The following PLBD1 variants were observed in gnomAD, a reference collection of about 807,000 sequenced individuals.
PLBD1 encodes the protein phospholipase B domain containing 1, also known as lysosomal leucine aminopeptidase.
A neutral mutation model predicts 63.0 loss-of-function variants in PLBD1; 60 were observed. The observed-to-expected ratio is 0.95, with a 90% CI of 0.77 to 1.18. The LOEUF is 1.18. PLBD1 is among the 50% of genes most tolerant of loss of function. PLBD1 has a pLI of 0.00. For synonymous variants in PLBD1, 262 were observed against 248.0 expected, an observed-to-expected ratio of 1.06 and a Z score of -0.53; for missense variants, 598 against 677.9, an observed-to-expected ratio of 0.88 and a Z score of 1.31.
chr12:14,521,278 T>C (rs1945373859), intron 6 of PLBD1, among the ~76,000 whole-genome samples: 1 of 152,102 alleles, frequency 6.6e-6, no homozygotes, highest in Non-Finnish European at 1.5e-5. Context: ...AAGGAACAGA[T>C]GATCCTACCC....
rs759707275 is a variant in PLBD1, at chr12:14,553,261, G to C, written c.267C>G (p.Gly89=). 3 of 1,614,004 alleles carry C rather than the reference G, an allele frequency of 1.9e-6. No homozygotes were observed. Among genetic ancestry groups the C allele is most frequent in the African/African-American group, 1.3e-5 (1 of 74,926 alleles). ...TGATCTCATTGCTCAGGGTTTGAGAGCCATAGCCAGCTCTGATCTCCAGGA... is the reference window on the plus strand; with the variant it reads ...TGATCTCATTGCTCAGGGTTTGAGACCCATAGCCAGCTCTGATCTCCAGGA... ...WGILEIRAGY[G]SQTLSNEIIM... The change falls in exon 2 of 11, where the codon GGC becomes GGG. Residue 89 remains glycine (G), a synonymous_variant. Transcript: ENST00000240617.
intron 1 of PLBD1, among the ~76,000 whole-genome samples, chr12:14,563,236 G>C (rs1181738269): frequency 1.3e-5 from 2 of 152,082 alleles, no homozygotes; most frequent in Non-Finnish European, 2.9e-5. Context: ...TGTTCAAGTT[G>C]GGACTGGGCA....
chr12:14,509,053 A>C (rs117688820), intron 8 of PLBD1, among the ~76,000 whole-genome samples: 1 of 150,740 alleles, frequency 6.6e-6, no homozygotes, highest in East Asian at 2.0e-4. Flanking sequence ...TGTTTGGGCA[A>C]AACATGTTTC....
chr12:14,503,785 A>C lies in PLBD1; in HGVS notation c.1649T>G (p.Leu550Arg), dbSNP rs1411290475. 6.2e-7 allele frequency: 1 copy of C among 1,612,880 alleles called. No homozygotes were observed. Among genetic ancestry groups the C allele is most frequent in the South Asian group, 1.1e-5 (1 of 91,014 alleles). Residue 550 changes from leucine (L) to arginine (R), a missense_variant, in exon 11 of 11, where the codon CTT becomes CGT. Coordinates refer to ENST00000240617, the MANE Select transcript of PLBD1 (RefSeq NM_024829.6). Reference sequence around the variant, plus strand: ...CATCTCCCTCCTTCATTTTATATCAAGTTTCAAAATTGGTTTCATGGTAAT... The same window carrying C: ...CATCTCCCTCCTTCATTTTATATCACGTTTCAAAATTGGTTTCATGGTAAT... ...DFITMKPILK[L>R]DIK
intron 6 of PLBD1, among the ~76,000 whole-genome samples, chr12:14,526,367 C>CCTA: frequency 6.6e-6 from 1 of 152,088 alleles, no homozygotes. Flanking sequence ...AGCAGGAATG[C>CCTA]CTACATTAAT....
chr12:14,542,739 G>A (rs111795990), intron 2 of PLBD1, among the ~76,000 whole-genome samples: 9 of 152,002 alleles, frequency 5.9e-5, no homozygotes, highest in African/African-American at 1.7e-4. Context: ...TATCATGTTC[G>A]CAACACACTA....
At chr12:14,522,229 G>C (rs1036426255) in intron 6 of PLBD1, among the ~76,000 whole-genome samples, 2 of 152,078 alleles carry the variant, frequency 1.3e-5, no homozygotes, top group Non-Finnish European at 2.9e-5. Flanking sequence ...GAGATATAGA[G>C]AACTCTATGC....
In PLBD1 at chr12:14,503,830, TC is replaced by T. The variant is rs774877413; in HGVS notation, c.1603del (p.Glu535ArgfsTer10). ...FNKTLHQGMP[E>X]VYNFDFITMK... ...GGTAATAAAATCAAAGTTGTAGACC[TC>T]TGGCATGCCCTGATGTAGAGTTTTG... On this transcript the variant is annotated frameshift_variant, in exon 11 of 11. Coordinates refer to ENST00000240617, the MANE Select transcript of PLBD1 (RefSeq NM_024829.6). LOFTEE classifies it high-confidence loss of function. The T allele has an allele frequency of 1.9e-6, 3 of 1,613,982 alleles. No homozygotes were observed. In the South Asian group the frequency reaches 3.3e-5, roughly 18 times the overall value.
chr12:14,517,696 G>A (rs4764095), intron 6 of PLBD1, among the ~76,000 whole-genome samples: 86,544 of 151,932 alleles, frequency 0.57, 25,247 homozygotes, highest in Admixed American at 0.7. Flanking sequence ...TTTGCCTCTC[G>A]ACTGCATTAA....
At position 14,540,851 on chromosome 12, in the gene PLBD1, TGA is replaced by T. The variant is rs755060921; in HGVS notation, c.469_470del (p.Ser157IlefsTer41). ...RKNIKEYKTD[S>X]FWRHTGYVMA... ...TCACATAGCCTGTATGTCTCCAAAA[TGA>T]ATCAGTCTTGTATTCTTTGATATTT... On this transcript the variant is annotated frameshift_variant, in exon 4 of 11. Coordinates refer to ENST00000240617, the MANE Select transcript of PLBD1 (RefSeq NM_024829.6). LOFTEE classifies it high-confidence loss of function. 1 of 1,611,882 alleles carries T rather than the reference TGA, an allele frequency of 6.2e-7. No individual in the cohort carries two copies. The highest frequency in any genetic ancestry group is 8.5e-7 in the Non-Finnish European group (1 of 1,178,474).
intron 6 of PLBD1, among the ~76,000 whole-genome samples, chr12:14,518,926 T>C (rs1337126814): frequency 6.6e-6 from 1 of 151,922 alleles, no homozygotes; most frequent in Non-Finnish European, 1.5e-5. Context: ...TAGGGTATTA[T>C]GTATTACCCA....
Position 14,553,394 on chromosome 12 carries a change from G to C in PLBD1, c.134C>G (p.Ala45Gly). Residue 45 changes from alanine to glycine, a missense_variant, in exon 2 of 11, where the codon GCA becomes GGA. By Grantham distance (60) the Ala-to-Gly change is moderately conservative. Coordinates refer to ENST00000240617, the MANE Select transcript of PLBD1 (RefSeq NM_024829.6). Reference sequence around the variant, plus strand: ...TGTCTTTTCAGCAGGCATCCAGTATGCAGTTGCATAGTAGACTCCTAGAAG... The same window carrying C: ...TGTCTTTTCAGCAGGCATCCAGTATCCAGTTGCATAGTAGACTCCTAGAAG... Reference protein sequence around the residue: ...PKPAGVYYATAYWMPAEKTVQ... With the variant: ...PKPAGVYYATGYWMPAEKTVQ... The C allele has an allele frequency of 8.7e-6, 14 of 1,614,034 alleles. No homozygotes were observed. Among genetic ancestry groups the C allele is most frequent in the Non-Finnish European group, 1.2e-5 (14 of 1,179,906 alleles).
intron 6 of PLBD1, among the ~76,000 whole-genome samples, chr12:14,517,353 G>A (rs1261631737): frequency 6.6e-6 from 1 of 152,160 alleles, no homozygotes; most frequent in East Asian, 1.9e-4. Context: ...TTGCTATGTT[G>A]CACAGCCTGG....
chr12:14,563,492 T>G (rs879541777), intron 1 of PLBD1, among the ~76,000 whole-genome samples: 1 of 150,758 alleles, frequency 6.6e-6, no homozygotes, highest in Non-Finnish European at 1.5e-5. Context: ...CACTCCAGCT[T>G]GGGCAACAGA....
At position 14,524,762 on chromosome 12, in the gene PLBD1, A is replaced by C. The variant is rs931578005; in HGVS notation, c.844+10897T>G. Among the ~76,000 whole-genome samples, 5 of 152,238 alleles carry C rather than the reference A, an allele frequency of 3.3e-5. No homozygotes were observed. In the East Asian group the frequency reaches 9.6e-4, roughly 29 times the overall value. On this transcript the variant is annotated intron_variant, in intron 6 of 10. Transcript: ENST00000240617. ...AAGTCACTGGAAACTGTTTCCAAGT[A>C]GGTCTTGATATTGGGTTTAGCGGAC...
Position 14,553,330 on chromosome 12 carries a change from G to C in PLBD1, c.198C>G (p.Ala66=). The change falls in exon 2 of 11, where the codon GCC becomes GCG. Residue 66 remains alanine, a synonymous_variant. Transcript: ENST00000240617. ...TCACAGAGTTATTGTAAAAGCCATA[G>C]GCGTCCCCATTCTTGTCCATTACAT... ...VKNVMDKNGD[A]YGFYNNSVKT... is the part of the protein sequence containing the mutation. 3 of 1,614,204 alleles carry C rather than the reference G, an allele frequency of 1.9e-6. No homozygotes were observed. Among genetic ancestry groups the C allele is most frequent in the Non-Finnish European group, 2.5e-6 (3 of 1,180,040 alleles).
intron 1 of PLBD1, chr12:14,553,630 AG>A: frequency 1.7e-6 from 1 of 591,238 alleles, no homozygotes; most frequent in Non-Finnish European, 3.0e-6. Flanking sequence ...GCAAGGTCAA[AG>A]GTGGGGGTGT....
chr12:14,506,407 CAGATAGAGACATCTCCCTTGGCTTGTG>C (rs1945256710), intron 9 of PLBD1, 139 bp from the exon 10 acceptor site: 2 of 615,216 alleles, frequency 3.3e-6, no homozygotes, highest in Non-Finnish European at 5.5e-6. Flanking sequence ...AGTCTGCTTC[CAGATAGAGACATCTCCCTTGGCTTGTG>C]AGGAAGGAGT....
intron 1 of PLBD1, among the ~76,000 whole-genome samples, chr12:14,556,475 T>G (rs1945705602): frequency 6.6e-6 from 1 of 151,910 alleles, no homozygotes; most frequent in Non-Finnish European, 1.5e-5. Flanking sequence ...TTTCAAACGA[T>G]TCTCCTGCCT....
Sources: gnomAD v4.1 joint callset for allele counts (sites outside exome capture counted in the v4.1 genomes callset) on GRCh38, gnomAD v4.1.1 for gene constraint, MANE v1.5 for transcripts, NCBI Gene and HGNC (gene_info 2026-07-23, HGNC 2026-07-21) for gene names.